PTPRD: variants seen among roughly 807,000 people sequenced by gnomAD.
The protein encoded by PTPRD is protein tyrosine phosphatase receptor type D.
In PTPRD, 34 loss-of-function variants were observed where a neutral mutation model predicts 214.5. That is an observed-to-expected ratio of 0.16 (90% CI 0.12 to 0.21). The LOEUF is 0.21. Among genes scored for constraint, PTPRD ranks in the 10% least tolerant of loss-of-function variants. The probability of loss-of-function intolerance (pLI) is 1.00; values close to 1 mark genes in which losing one functional copy is unlikely to be tolerated. For missense variants in PTPRD, 2,545 were observed against 2,398.7 expected, an observed-to-expected ratio of 1.06 and a Z score of -1.27; for synonymous variants, 1,128 against 845.7, an observed-to-expected ratio of 1.33 and a Z score of -5.79.
At chr9:10,576,092 A>T (rs2069218628) in intron 2 of PTPRD, among the ~76,000 whole-genome samples, 1 of 152,184 alleles carries the variant, frequency 6.6e-6, no homozygotes. Context: ...ACTGACAATT[A>T]ACCCAGATTC....
At position 8,316,428 on chromosome 9, in the gene PTPRD, G is replaced by C. The variant is rs1821810270; in HGVS notation, c.*1446C>G. 4.3e-6 allele frequency: 1 copy of C among 230,882 alleles called. No individual in the cohort carries two copies. The highest frequency in any genetic ancestry group is 6.1e-5 in the East Asian group (1 of 16,330). The allele number at this position is 230,882 out of a possible 1,614,324, so 14.3% of individuals were successfully genotyped here. A position where few individuals can be genotyped will look rare whatever the true frequency, so the allele number is the denominator to read the frequency against. On this transcript the variant is annotated 3_prime_UTR_variant, in exon 46 of 46. Coordinates refer to ENST00000381196, the MANE Select transcript of PTPRD (RefSeq NM_002839.4). ...TGTATGCCACAAAATGTTTCTGACTGAACAGAGTAACATGAATTTGGCTTT... is the reference window on the plus strand; with the variant it reads ...TGTATGCCACAAAATGTTTCTGACTCAACAGAGTAACATGAATTTGGCTTT...
chr9:10,589,897 T>C (rs1422874821), intron 2 of PTPRD, among the ~76,000 whole-genome samples: 2 of 152,058 alleles, frequency 1.3e-5, no homozygotes, highest in African/African-American at 4.8e-5. Context: ...GGCTAAGAAA[T>C]GCATAAGCTA....
intron 3 of PTPRD, among the ~76,000 whole-genome samples, chr9:10,275,424 TGAGAGAGAGAAAAAGA>T (rs552605237): frequency 0.014 from 2,058 of 152,022 alleles, 50 homozygotes; most frequent in African/African-American, 0.047. Flanking sequence ...TTGAGAGGGA[TGAGAGAGAGAAAAAGA>T]GAGAGAGAGA....
At chr9:10,503,976 C>G (rs2044850448) in intron 2 of PTPRD, among the ~76,000 whole-genome samples, 1 of 150,742 alleles carries the variant, frequency 6.6e-6, no homozygotes, top group Non-Finnish European at 1.5e-5. Context: ...ATTAGCCGGG[C>G]GTGGTGGCGG....
intron 14 of PTPRD, among the ~76,000 whole-genome samples, chr9:8,533,811 T>A (rs575617788): frequency 6.6e-6 from 1 of 152,148 alleles, no homozygotes; most frequent in South Asian, 2.1e-4. Flanking sequence ...TTTATGATGC[T>A]TTGACAATTA....
At chr9:10,559,060 C>T (rs1480271793) in intron 2 of PTPRD, among the ~76,000 whole-genome samples, 1 of 152,084 alleles carries the variant, frequency 6.6e-6, no homozygotes, top group East Asian at 1.9e-4. Flanking sequence ...TAAGCATCAA[C>T]TTCATGAGAG....
At chr9:9,663,972 A>C (rs559930491) in intron 7 of PTPRD, among the ~76,000 whole-genome samples, 22 of 151,206 alleles carry the variant, frequency 1.5e-4, no homozygotes, top group African/African-American at 4.8e-4. Flanking sequence ...CCTATATAAC[A>C]TATTACAATG....
chr9:9,031,045 G>T (rs1282279220), intron 10 of PTPRD, among the ~76,000 whole-genome samples: 1 of 151,906 alleles, frequency 6.6e-6, no homozygotes, highest in African/African-American at 2.4e-5. Context: ...TTGGTAAAAT[G>T]GACGTGGAAA....
At chr9:9,012,471 G>A (rs2099515716) in intron 11 of PTPRD, among the ~76,000 whole-genome samples, 1 of 152,148 alleles carries the variant, frequency 6.6e-6, no homozygotes, top group Non-Finnish European at 1.5e-5. Flanking sequence ...TAAGATGACT[G>A]TAGAAGCAAG....
intron 5 of PTPRD, among the ~76,000 whole-genome samples, chr9:9,789,981 C>G (rs2098956098): frequency 6.6e-6 from 1 of 151,884 alleles, no homozygotes; most frequent in African/African-American, 2.4e-5. Flanking sequence ...TTTTATTTAT[C>G]TTTGTGAAAC....
At chr9:9,591,360 A>G (rs941481017) in intron 7 of PTPRD, among the ~76,000 whole-genome samples, 8 of 151,990 alleles carry the variant, frequency 5.3e-5, no homozygotes, top group Non-Finnish European at 1.0e-4. Context: ...TACCTCCAAA[A>G]GGAAGTGATT....
chr9:8,453,136 AAAAG>A lies in PTPRD; in HGVS notation c.3876-3303_3876-3300del, dbSNP rs763351500. ...GGTTCAACTCTCTCATTTTAATAGA[AAAAG>A]AAAGCATTAAGTTGTAAAATATGAA... On this transcript the variant is annotated intron_variant, in intron 33 of 45. Transcript: ENST00000381196. 3.3e-5 allele frequency among the ~76,000 whole-genome samples: 5 copies of A among 152,282 alleles called. No homozygotes were observed. The East Asian group carries it at 7.7e-4, about 23-fold the overall frequency.
chr9:9,401,661 T>G (rs2070575037), intron 8 of PTPRD, among the ~76,000 whole-genome samples: 1 of 151,974 alleles, frequency 6.6e-6, no homozygotes, highest in Admixed American at 6.6e-5. Context: ...GATACGGTTT[T>G]TCTACGTACC....
At chr9:9,393,951 C>T (rs999412828) in intron 9 of PTPRD, among the ~76,000 whole-genome samples, 6 of 152,148 alleles carry the variant, frequency 3.9e-5, no homozygotes, top group Non-Finnish European at 1.5e-5. Context: ...GCCACCAATA[C>T]TTTCCTGATA....
At chr9:9,858,996 C>T (rs1192350776) in intron 5 of PTPRD, among the ~76,000 whole-genome samples, 2 of 152,158 alleles carry the variant, frequency 1.3e-5, no homozygotes, top group South Asian at 4.1e-4. Context: ...GAATCCCCAC[C>T]TGTCTAGGGA....
chr9:9,500,878 C>T (rs2096391113), intron 8 of PTPRD, among the ~76,000 whole-genome samples: 1 of 151,920 alleles, frequency 6.6e-6, no homozygotes, highest in East Asian at 1.9e-4. Context: ...TCTAAATGGA[C>T]TTATTACTGT....
chr9:8,768,094 C>T (rs1055368393), intron 11 of PTPRD, among the ~76,000 whole-genome samples: 8 of 152,080 alleles, frequency 5.3e-5, no homozygotes, highest in African/African-American at 1.7e-4. Context: ...CCTGAATTTG[C>T]GTCTTTAAAA....
At chr9:9,073,790 G>A (rs531419739) in intron 10 of PTPRD, among the ~76,000 whole-genome samples, 1 of 151,902 alleles carries the variant, frequency 6.6e-6, no homozygotes, top group Non-Finnish European at 1.5e-5. Flanking sequence ...GAAAAACCCT[G>A]ACTAATACAT....
chr9:9,758,148 CA>C (rs3050038), intron 6 of PTPRD, among the ~76,000 whole-genome samples: 2,341 of 114,826 alleles, frequency 0.02, 22 homozygotes, highest in Middle Eastern at 0.043. Flanking sequence ...GTAAAAATGG[CA>C]AAAAAAAAAA....
Sources: allele counts gnomAD v4.1 joint callset (sites outside exome capture counted in the v4.1 genomes callset), GRCh38; gene constraint gnomAD v4.1.1; transcripts MANE v1.5; gene names NCBI Gene and HGNC (gene_info 2026-07-23, HGNC 2026-07-21).